Variants in DCC observed in about 807,000 individuals in gnomAD.
The protein encoded by DCC is DCC netrin 1 receptor.
A neutral mutation model predicts 172.5 loss-of-function variants in DCC; 58 were observed. The ratio of observed to expected loss-of-function variants is 0.34; its 90% CI spans 0.27 to 0.42. The LOEUF is 0.42. DCC is among the 10% of genes least tolerant of loss of function. The probability of loss-of-function intolerance (pLI) is 1.00; values close to 1 mark genes in which losing one functional copy is unlikely to be tolerated. For synonymous variants in DCC, 709 were observed against 644.5 expected, an observed-to-expected ratio of 1.10 and a Z score of -1.52; for missense variants, 1,740 against 1,791.0, an observed-to-expected ratio of 0.97 and a Z score of 0.51.
chr18:52,604,551 G>A (rs2034092284), intron 1 of DCC, among the ~76,000 whole-genome samples: 1 of 152,152 alleles, frequency 6.6e-6, no homozygotes, highest in Non-Finnish European at 1.5e-5. Context: ...AAGGGAGGAA[G>A]GTTGCACCAT....
chr18:52,363,058 A>G (rs1425386080), intron 1 of DCC, among the ~76,000 whole-genome samples: 2 of 152,090 alleles, frequency 1.3e-5, no homozygotes, highest in Non-Finnish European at 1.5e-5. Context: ...GCCAACACGT[A>G]GTAGAGATGG....
intron 15 of DCC, among the ~76,000 whole-genome samples, chr18:53,379,136 A>G (rs1907535017): frequency 6.6e-6 from 1 of 152,222 alleles, no homozygotes; most frequent in South Asian, 2.1e-4. Flanking sequence ...CAGCAATCCC[A>G]TGGCCTATAT....
chr18:53,006,689 A>G (rs570424398), intron 5 of DCC, among the ~76,000 whole-genome samples: 1 of 152,222 alleles, frequency 6.6e-6, no homozygotes, highest in Non-Finnish European at 1.5e-5. Flanking sequence ...GGTCATTCAT[A>G]CAAGCTAGGC....
chr18:52,795,711 A>G (rs138563982), intron 2 of DCC, among the ~76,000 whole-genome samples: 2,657 of 151,942 alleles, frequency 0.017, 36 homozygotes, highest in Non-Finnish European at 0.024. Context: ...AAATCTGTCC[A>G]CTTTTATGAT....
intron 1 of DCC, among the ~76,000 whole-genome samples, chr18:52,369,551 CCAAA>C (rs1985026112): frequency 6.6e-6 from 1 of 151,976 alleles, no homozygotes; most frequent in African/African-American, 2.4e-5. Flanking sequence ...AACGATGTCA[CCAAA>C]CACTTTGCAA....
chr18:53,005,435 C>T (rs1056599147), intron 5 of DCC, among the ~76,000 whole-genome samples: 20 of 152,102 alleles, frequency 1.3e-4, no homozygotes, highest in African/African-American at 4.6e-4. Context: ...GAAATGCCTA[C>T]TTATAAAGAA....
chr18:52,924,396 G>A (rs2040169038), intron 4 of DCC, among the ~76,000 whole-genome samples: 1 of 152,084 alleles, frequency 6.6e-6, no homozygotes, highest in Non-Finnish European at 1.5e-5. Flanking sequence ...TATGTAGCAT[G>A]TCATTATAGA....
At chr18:53,203,552 A>G (rs578237088) in intron 9 of DCC, among the ~76,000 whole-genome samples, 2 of 152,330 alleles carry the variant, frequency 1.3e-5, no homozygotes, top group Admixed American at 1.3e-4. Context: ...AAATGAATGT[A>G]TGAGCAGTGA....
chr18:52,804,207 T>C (rs2038045240), intron 2 of DCC, among the ~76,000 whole-genome samples: 1 of 151,640 alleles, frequency 6.6e-6, no homozygotes, highest in Non-Finnish European at 1.5e-5. Context: ...TGTCACATTC[T>C]GTTAAACACT....
At chr18:52,658,155 G>A (rs1045136660) in intron 1 of DCC, among the ~76,000 whole-genome samples, 1 of 152,168 alleles carries the variant, frequency 6.6e-6, no homozygotes, top group African/African-American at 2.4e-5. Context: ...AGGGAAAGCT[G>A]AGTAATTTTT....
At chr18:52,725,006 T>A (rs1245713984) in intron 1 of DCC, among the ~76,000 whole-genome samples, 1 of 152,178 alleles carries the variant, frequency 6.6e-6, no homozygotes, top group African/African-American at 2.4e-5. Context: ...TAGCTAACTA[T>A]GAGGGTTATT....
intron 18 of DCC, among the ~76,000 whole-genome samples, chr18:53,401,777 C>G (rs1909312419): frequency 6.6e-6 from 1 of 152,100 alleles, no homozygotes; most frequent in African/African-American, 2.4e-5. Context: ...GTGAGCTACC[C>G]AGAAGGAAAA....
At chr18:53,351,331 T>TATACTGTGTATATATATATAC (rs1296797643) in intron 15 of DCC, among the ~76,000 whole-genome samples, 1 of 47,696 alleles carries the variant, frequency 2.1e-5, no homozygotes, top group Non-Finnish European at 4.1e-5. Flanking sequence ...TATATATATA[T>TATACTGTGTATATATATATAC]ACAGTGTATA....
chr18:52,488,665 G>C (rs989158779), intron 1 of DCC, among the ~76,000 whole-genome samples: 1 of 152,020 alleles, frequency 6.6e-6, no homozygotes, highest in Non-Finnish European at 1.5e-5. Flanking sequence ...TGCTGTAAAA[G>C]TCTCACCCCA....
At chr18:52,511,523 AATTTCTACAGAT>A in intron 1 of DCC, among the ~76,000 whole-genome samples, 1 of 152,236 alleles carries the variant, frequency 6.6e-6, no homozygotes, top group Middle Eastern at 3.4e-3. Context: ...GACAGTTGGC[AATTTCTACAGAT>A]ATTTTTGAAT....
At chr18:52,959,992 C>T (rs570122954) in intron 5 of DCC, among the ~76,000 whole-genome samples, 1 of 152,008 alleles carries the variant, frequency 6.6e-6, no homozygotes, top group South Asian at 2.1e-4. Flanking sequence ...TGACTTCATG[C>T]TAGACACTGA....
intron 25 of DCC, among the ~76,000 whole-genome samples, chr18:53,468,429 T>A (rs964745944): frequency 6.4e-5 from 9 of 141,310 alleles, no homozygotes; most frequent in Non-Finnish European, 1.3e-4. Flanking sequence ...GTTGCCCAGG[T>A]TGGAGTGCAG....
At chr18:53,394,785 G>C (rs1479123637) in intron 17 of DCC, among the ~76,000 whole-genome samples, 1 of 152,122 alleles carries the variant, frequency 6.6e-6, no homozygotes, top group Non-Finnish European at 1.5e-5. Context: ...ACTTGTCTTA[G>C]TTTGCACTTT....
At chr18:52,746,698 G>A (rs191919786) in intron 1 of DCC, among the ~76,000 whole-genome samples, 1 of 152,162 alleles carries the variant, frequency 6.6e-6, no homozygotes, top group African/African-American at 2.4e-5. Context: ...AATATATTAA[G>A]AATATTCTCT....
Sources: allele counts gnomAD v4.1 joint callset (sites outside exome capture counted in the v4.1 genomes callset), GRCh38; gene constraint gnomAD v4.1.1; transcripts MANE v1.5; gene names NCBI Gene and HGNC (gene_info 2026-07-23, HGNC 2026-07-21).